The following TFAP2D variants were observed in gnomAD, a reference collection of about 807,000 sequenced individuals.
TFAP2D encodes the protein transcription factor AP-2 delta, also known as transcription factor AP-2-delta.
Under a neutral mutation model 43.6 loss-of-function variants are expected in TFAP2D, and 9 were observed. That is an observed-to-expected ratio of 0.21 (90% confidence interval 0.12 to 0.36). TFAP2D has a LOEUF of 0.36. Ranked by LOEUF, TFAP2D falls within the 10% of genes least tolerant of loss-of-function variation. The pLI is 1.00. For missense variants in TFAP2D, 513 were observed against 561.4 expected, an observed-to-expected ratio of 0.91 and a Z score of 0.87; for synonymous variants, 256 against 224.9, an observed-to-expected ratio of 1.14 and a Z score of -1.24.
At chr6:50,756,966 G>T (rs556199674) in intron 7 of TFAP2D, among the ~76,000 whole-genome samples, 40 of 151,880 alleles carry the variant, frequency 2.6e-4, no homozygotes, top group African/African-American at 8.9e-4. Context: ...GGTCTCTTAT[G>T]TTCTCATAAT....
At chr6:50,715,645 C>T in intron 2 of TFAP2D, 32 bp downstream of exon 2, 1 of 1,552,834 alleles carries the variant, frequency 6.4e-7, no homozygotes. Context: ...TTGTCTGCTC[C>T]CTCCCCTCTT....
At chr6:50,742,189 T>C (rs1769054897) in intron 5 of TFAP2D, among the ~76,000 whole-genome samples, 1 of 152,108 alleles carries the variant, frequency 6.6e-6, no homozygotes, top group Non-Finnish European at 1.5e-5. Context: ...TTCTGTGGCA[T>C]GATATACACA....
At chr6:50,739,631 T>C (rs766382288) in intron 5 of TFAP2D, among the ~76,000 whole-genome samples, 1 of 152,170 alleles carries the variant, frequency 6.6e-6, no homozygotes, top group African/African-American at 2.4e-5. Flanking sequence ...ATACTCTATT[T>C]TTCTATTTTT....
At chr6:50,737,293 GT>G (rs1768977853) in intron 5 of TFAP2D, among the ~76,000 whole-genome samples, 1 of 152,094 alleles carries the variant, frequency 6.6e-6, no homozygotes, top group South Asian at 2.1e-4. Flanking sequence ...AAATTTGTAG[GT>G]ATTTTAATCA....
chr6:50,744,866 T>C (rs960482926), intron 5 of TFAP2D, among the ~76,000 whole-genome samples: 7 of 152,086 alleles, frequency 4.6e-5, no homozygotes, highest in Non-Finnish European at 8.8e-5. Context: ...TTCTGTTTTT[T>C]TCCCCTCAAT....
At chr6:50,758,955 T>C (rs1344441628) in intron 7 of TFAP2D, among the ~76,000 whole-genome samples, 1 of 152,120 alleles carries the variant, frequency 6.6e-6, no homozygotes, top group Non-Finnish European at 1.5e-5. Flanking sequence ...ACTCAAGCAA[T>C]GAATCTTTGT....
At chr6:50,728,784 A>T in intron 3 of TFAP2D, 72 bp from the exon 4 acceptor site, 3 of 1,476,522 alleles carry the variant, frequency 2.0e-6, no homozygotes, top group Non-Finnish European at 2.8e-6. Flanking sequence ...TAGTCTTTTG[A>T]TGTTAACTGC....
intron 6 of TFAP2D, 112 bp from the exon 7 acceptor site, chr6:50,751,099 T>C: frequency 2.8e-6 from 2 of 724,886 alleles, no homozygotes. Context: ...CTTTATGAAA[T>C]GTTATCTAGA....
At chr6:50,737,892 TC>T (rs1768985449) in intron 5 of TFAP2D, among the ~76,000 whole-genome samples, 1 of 152,180 alleles carries the variant, frequency 6.6e-6, no homozygotes, top group Non-Finnish European at 1.5e-5. Flanking sequence ...TATAAATAGT[TC>T]CACAGATATG....
chr6:50,742,414 C>T (rs1769058421), intron 5 of TFAP2D, among the ~76,000 whole-genome samples: 1 of 152,028 alleles, frequency 6.6e-6, no homozygotes, highest in South Asian at 2.1e-4. Flanking sequence ...TAAAATGGGA[C>T]AGATCCGCAG....
At chr6:50,751,147 T>C in intron 6 of TFAP2D, 64 bp from the exon 7 acceptor site, 1 of 1,137,244 alleles carries the variant, frequency 8.8e-7, no homozygotes, top group Non-Finnish European at 1.3e-6. Flanking sequence ...TGGTTAAATA[T>C]CATGGGATGA....
intron 6 of TFAP2D, among the ~76,000 whole-genome samples, chr6:50,747,557 C>A (rs1048324796): frequency 6.6e-6 from 1 of 152,056 alleles, no homozygotes. Flanking sequence ...TCATCTTGTC[C>A]TCCTTCCCCC....
intron 7 of TFAP2D, among the ~76,000 whole-genome samples, chr6:50,766,185 G>T (rs1033888522): frequency 3.3e-5 from 5 of 151,986 alleles, no homozygotes; most frequent in African/African-American, 1.2e-4. Flanking sequence ...CATATATGAG[G>T]GTTTGTTTCT....
intron 3 of TFAP2D, among the ~76,000 whole-genome samples, chr6:50,725,557 A>G (rs1191762340): frequency 2.6e-5 from 4 of 152,242 alleles, no homozygotes; most frequent in East Asian, 1.9e-4. Context: ...ATTATCACAT[A>G]ATTTCAATAT....
chr6:50,717,617 T>A (rs939346612), intron 2 of TFAP2D, among the ~76,000 whole-genome samples: 3 of 152,206 alleles, frequency 2.0e-5, no homozygotes, highest in Non-Finnish European at 4.4e-5. Flanking sequence ...CTAGAAGAAA[T>A]ATAGTACTGT....
At chr6:50,758,079 G>A (rs960119995) in intron 7 of TFAP2D, among the ~76,000 whole-genome samples, 1 of 151,394 alleles carries the variant, frequency 6.6e-6, no homozygotes. Context: ...CGATGGACTA[G>A]GGAAGTAAAA....
chr6:50,727,561 G>A (rs1244076765), intron 3 of TFAP2D, among the ~76,000 whole-genome samples: 1 of 152,068 alleles, frequency 6.6e-6, no homozygotes, highest in African/African-American at 2.4e-5. Flanking sequence ...GTTTGGAGGT[G>A]GGTCTGAGAT....
chr6:50,763,362 T>C (rs1467563812), intron 7 of TFAP2D, among the ~76,000 whole-genome samples: 1 of 152,102 alleles, frequency 6.6e-6, no homozygotes, highest in Admixed American at 6.6e-5. Flanking sequence ...TTGGGTGTCA[T>C]TGTACAACCA....
intron 5 of TFAP2D, among the ~76,000 whole-genome samples, chr6:50,739,438 A>G (rs1321870551): frequency 6.6e-6 from 1 of 152,158 alleles, no homozygotes; most frequent in African/African-American, 2.4e-5. Flanking sequence ...TCCATGGTGT[A>G]TATGTGCCAC....
Sources: gnomAD v4.1 joint callset for allele counts (sites outside exome capture counted in the v4.1 genomes callset) on GRCh38, gnomAD v4.1.1 for gene constraint, MANE v1.5 for transcripts, NCBI Gene and HGNC (gene_info 2026-07-23, HGNC 2026-07-21) for gene names.